GPATCH2: variants seen among roughly 807,000 people sequenced by gnomAD.
GPATCH2 encodes G patch domain-containing protein 2.
Under a neutral mutation model 58.0 loss-of-function variants are expected in GPATCH2, and 51 were observed. The observed-to-expected ratio is 0.88, with a 90% CI of 0.70 to 1.11. The LOEUF (loss-of-function observed/expected upper bound fraction) is 1.11, where lower values mean the gene tolerates loss of function less well. GPATCH2 is among the 50% of genes most tolerant of loss of function. GPATCH2 has a pLI of 0.00. For synonymous variants in GPATCH2, 222 were observed against 218.5 expected (o/e 1.02, Z -0.14); for missense variants, 625 against 652.2 (o/e 0.96, Z 0.45).
chr1:217,453,296 TG>T (rs908297021), intron 8 of GPATCH2, among the ~76,000 whole-genome samples: 12 of 152,250 alleles, frequency 7.9e-5, no homozygotes, highest in African/African-American at 2.6e-4. Context: ...TTTTGTAAGG[TG>T]TATCAGAAAA....
intron 5 of GPATCH2, among the ~76,000 whole-genome samples, chr1:217,602,750 T>C (rs915333980): frequency 1.3e-5 from 2 of 152,190 alleles, no homozygotes; most frequent in African/African-American, 4.8e-5. Context: ...GTGATTAATC[T>C]GATAGAAGCA....
chr1:217,521,363 A>G (rs1307096172), intron 5 of GPATCH2, among the ~76,000 whole-genome samples: 1 of 148,934 alleles, frequency 6.7e-6, no homozygotes, highest in Non-Finnish European at 1.5e-5. Flanking sequence ...GACTGCAAAA[A>G]AAAAAAAAAA....
intron 5 of GPATCH2, among the ~76,000 whole-genome samples, chr1:217,582,702 C>G (rs995857725): frequency 6.6e-6 from 1 of 152,034 alleles, no homozygotes; most frequent in African/African-American, 2.4e-5. Context: ...TATGAAAAGA[C>G]CAGAAGAAGG....
chr1:217,474,722 A>G (rs1204296330), intron 8 of GPATCH2, among the ~76,000 whole-genome samples: 1 of 152,110 alleles, frequency 6.6e-6, no homozygotes, highest in Non-Finnish European at 1.5e-5. Flanking sequence ...CCATCTATGC[A>G]TTTATCTTTT....
intron 8 of GPATCH2, among the ~76,000 whole-genome samples, chr1:217,466,129 T>C: frequency 6.6e-6 from 1 of 152,294 alleles, no homozygotes; most frequent in Non-Finnish European, 1.5e-5. Flanking sequence ...GAAATATTGT[T>C]TGAATGAGCA....
intron 5 of GPATCH2, among the ~76,000 whole-genome samples, chr1:217,579,340 G>GA (rs1016753334): frequency 4.1e-5 from 6 of 144,764 alleles, no homozygotes; most frequent in African/African-American, 1.5e-4. Flanking sequence ...CACTAATCAA[G>GA]AAAAAAAAGT....
chr1:217,523,447 C>G (rs1377453539), intron 5 of GPATCH2, among the ~76,000 whole-genome samples: 1 of 151,580 alleles, frequency 6.6e-6, no homozygotes, highest in Non-Finnish European at 1.5e-5. Flanking sequence ...CCATTTAACC[C>G]TGAGTGGACA....
Position 217,484,556 on chromosome 1 carries a change from T to A in GPATCH2, c.1277+7124A>T, listed in dbSNP as rs200110412. Among the ~76,000 whole-genome samples the A allele has an allele frequency of 5.8e-3, 832 of 143,176 alleles. 9 individuals carry two copies. The highest frequency in any genetic ancestry group is 0.02 in the African/African-American group (793 of 39,160). 93.9% of individuals were successfully genotyped at this position (143,176 alleles called of 152,430 possible). On this transcript the variant is annotated intron_variant, in intron 8 of 9. Transcript: ENST00000366935. ...AATAAATCTTTCTATATATAATTATTTATATATATATATATATATATGATG... is the reference window on the plus strand; with the variant it reads ...AATAAATCTTTCTATATATAATTATATATATATATATATATATATATGATG...
intron 7 of GPATCH2, among the ~76,000 whole-genome samples, chr1:217,496,540 T>C (rs918505717): frequency 1.3e-5 from 2 of 152,178 alleles, no homozygotes; most frequent in Non-Finnish European, 2.9e-5. Context: ...TAAAGTGCTG[T>C]CTAGTGTTCC....
chr1:217,449,200 T>C, intron 9 of GPATCH2, 49 bp downstream of exon 9: 1 of 944,810 alleles, frequency 1.1e-6, no homozygotes. Flanking sequence ...TTCTTCATGA[T>C]TTATGAACTC....
At position 217,464,140 on chromosome 1, in the gene GPATCH2, CAAAG is replaced by C. The variant is rs569837289; in HGVS notation, c.1278-14807_1278-14804del. On this transcript the variant is annotated intron_variant, in intron 8 of 9. Transcript: ENST00000366935. ...GAAGCCCTGAAATCCTAGAATTTAA[CAAAG>C]AAAGTCATAATTAAGAGTACTCTGC... 2.6e-3 allele frequency among the ~76,000 whole-genome samples: 397 copies of C among 152,116 alleles called. 1 individual carries two copies. The highest frequency in any genetic ancestry group is 9.2e-3 in the African/African-American group (382 of 41,494).
intron 5 of GPATCH2, among the ~76,000 whole-genome samples, chr1:217,603,366 G>A (rs978126046): frequency 2.0e-4 from 30 of 152,072 alleles, no homozygotes; most frequent in Admixed American, 7.2e-4. Flanking sequence ...ACTAAATATG[G>A]AGAATATAAT....
chr1:217,512,919 T>C (rs1024511709), intron 6 of GPATCH2, among the ~76,000 whole-genome samples: 5 of 152,320 alleles, frequency 3.3e-5, no homozygotes, highest in African/African-American at 1.2e-4. Flanking sequence ...AGAGAATTGC[T>C]TGCCAAACTG....
At chr1:217,450,818 A>C (rs1382963654) in intron 8 of GPATCH2, among the ~76,000 whole-genome samples, 1 of 152,162 alleles carries the variant, frequency 6.6e-6, no homozygotes, top group Non-Finnish European at 1.5e-5. Context: ...ATGAATAGTT[A>C]TGACTGTGTC....
chr1:217,455,462 G>C (rs997378439), intron 8 of GPATCH2, among the ~76,000 whole-genome samples: 36 of 152,124 alleles, frequency 2.4e-4, no homozygotes, highest in African/African-American at 8.7e-4. Context: ...TAGATAGAAT[G>C]ATCTGCCTGC....
chr1:217,516,140 C>T (rs1034950771), intron 5 of GPATCH2, among the ~76,000 whole-genome samples: 1 of 150,402 alleles, frequency 6.6e-6, no homozygotes, highest in Admixed American at 6.6e-5. Flanking sequence ...TCAAAGGGAA[C>T]ATAGCACTGT....
chr1:217,584,456 G>A (rs1008893747), intron 5 of GPATCH2, among the ~76,000 whole-genome samples: 1 of 151,316 alleles, frequency 6.6e-6, no homozygotes, highest in African/African-American at 2.4e-5. Context: ...TTGAACCCGG[G>A]AGGCGGAGGT....
rs778420680 is a variant in GPATCH2 at position 217,431,114 on chromosome 1, A to C, written c.*31T>G. 2.9e-6 allele frequency: 3 copies of C among 1,040,936 alleles called. No individual in the cohort carries two copies. The highest frequency in any genetic ancestry group is 4.6e-6 in the Non-Finnish European group (3 of 656,164). The allele number at this position is 1,040,936 out of a possible 1,614,324, so 64.5% of individuals were successfully genotyped here. A position where few individuals can be genotyped will look rare whatever the true frequency, so the allele number is the denominator to read the frequency against. On this transcript the variant is annotated 3_prime_UTR_variant, in exon 10 of 10. Transcript: ENST00000366935. ...TTAGAACAATGGGACATAGTGAATA[A>C]AGTCTGTAAAACATTTCTTCTTTGC... is the stretch of plus-strand genomic sequence containing the variant.
At chr1:217,560,015 A>AT (rs1207782550) in intron 5 of GPATCH2, among the ~76,000 whole-genome samples, 8 of 151,950 alleles carry the variant, frequency 5.3e-5, no homozygotes, top group African/African-American at 1.9e-4. Flanking sequence ...TGCCTGGCTA[A>AT]TTTTTGTATT....
Sources: gnomAD v4.1 joint callset for allele counts (sites outside exome capture counted in the v4.1 genomes callset) on GRCh38, gnomAD v4.1.1 for gene constraint, MANE v1.5 for transcripts, NCBI Gene and HGNC (gene_info 2026-07-23, HGNC 2026-07-21) for gene names.